Variants in ATP8B1 observed in about 807,000 individuals in gnomAD.
The protein encoded by ATP8B1 is phospholipid-transporting ATPase IC.
A neutral mutation model predicts 149.9 loss-of-function variants in ATP8B1; 80 were observed. The observed-to-expected ratio is 0.53, with a 90% confidence interval of 0.45 to 0.64. The LOEUF is 0.64. ATP8B1 is among the 30% of genes least tolerant of loss of function. The probability of loss-of-function intolerance (pLI) is 0.00; values close to 1 mark genes in which losing one functional copy is unlikely to be tolerated. For synonymous variants in ATP8B1, 536 were observed against 562.8 expected (o/e 0.95, Z 0.67); for missense variants, 1,247 against 1,552.6 (o/e 0.80, Z 3.31).
intron 1 of ATP8B1, among the ~76,000 whole-genome samples, chr18:57,764,323 T>TTTTC (rs1210873049): frequency 2.2e-5 from 2 of 90,622 alleles, no homozygotes; most frequent in Admixed American, 1.0e-4. Flanking sequence ...CTTTCTTTCT[T>TTTTC]TTTCTTTCTT....
intron 22 of ATP8B1, among the ~76,000 whole-genome samples, chr18:57,655,841 C>T (rs1274781986): frequency 3.3e-5 from 5 of 152,194 alleles, no homozygotes; most frequent in African/African-American, 1.2e-4. Flanking sequence ...CAACTTCATT[C>T]CATCCTTGTT....
intron 1 of ATP8B1, among the ~76,000 whole-genome samples, chr18:57,755,173 A>G (rs1444203494): frequency 6.6e-6 from 1 of 152,204 alleles, no homozygotes; most frequent in East Asian, 1.9e-4. Flanking sequence ...AACAATGTGT[A>G]ATTGTGCATT....
At chr18:57,699,346 T>C (rs1315176535) in intron 6 of ATP8B1, among the ~76,000 whole-genome samples, 2 of 152,234 alleles carry the variant, frequency 1.3e-5, no homozygotes, top group Non-Finnish European at 2.9e-5. Context: ...AAGATCTTAA[T>C]TGGCTTTATT....
Position 57,706,541 on chromosome 18 carries a change from T to C in ATP8B1, c.228A>G (p.Gln76=). 3.1e-6 allele frequency: 5 copies of C among 1,614,110 alleles called. No homozygotes were observed. Among genetic ancestry groups the C allele is most frequent in the Non-Finnish European group, 4.2e-6 (5 of 1,180,012 alleles). ...VKANDRKYHE[Q]PHFMNTKFLC... is the part of the protein sequence containing the mutation. ...AGAATTTTGTGTTCATAAAGTGAGGTTGTTCGTGGTACTTGCGATCGTTTG... is the reference window on the plus strand; with the variant it reads ...AGAATTTTGTGTTCATAAAGTGAGGCTGTTCGTGGTACTTGCGATCGTTTG... Residue 76 remains glutamine (Q), a synonymous_variant, in exon 3 of 28, where the codon CAA becomes CAG. Coordinates refer to ENST00000648908, the MANE Select transcript of ATP8B1 (RefSeq NM_001374385.1).
intron 3 of ATP8B1, 144 bp from the exon 4 acceptor site, chr18:57,704,812 G>A (rs1026703676): frequency 2.4e-5 from 16 of 671,466 alleles, no homozygotes; most frequent in Middle Eastern, 4.0e-4. Flanking sequence ...GTCTGGGTGC[G>A]GTGGCTTATG....
intron 1 of ATP8B1, among the ~76,000 whole-genome samples, chr18:57,733,534 G>A (rs1437678499): frequency 1.3e-5 from 2 of 151,974 alleles, no homozygotes; most frequent in African/African-American, 2.4e-5. Context: ...GTGAAACCCC[G>A]TTTCTACTAA....
Position 57,731,618 on chromosome 18 carries a change from T to C in ATP8B1, c.181+9A>G. ...AAGCGACCTAGTCACCGGGACTTCATGTGGTTACCTTTTCTGAATGGCTCC... is the reference window on the plus strand; with the variant it reads ...AAGCGACCTAGTCACCGGGACTTCACGTGGTTACCTTTTCTGAATGGCTCC... On this transcript the variant is annotated intron_variant, in intron 2 of 27. Coordinates refer to ENST00000648908, the MANE Select transcript of ATP8B1 (RefSeq NM_001374385.1). 2 of 1,613,954 alleles carry C rather than the reference T, an allele frequency of 1.2e-6. No homozygotes were observed. Among genetic ancestry groups the C allele is most frequent in the Non-Finnish European group, 1.7e-6 (2 of 1,179,942 alleles).
intron 4 of ATP8B1, among the ~76,000 whole-genome samples, chr18:57,703,279 C>A (rs973673243): frequency 2.0e-5 from 3 of 152,016 alleles, no homozygotes; most frequent in African/African-American, 7.2e-5. Context: ...CGTAAAGAAT[C>A]TGATAAAGTG....
chr18:57,713,165 T>TTC (rs1301604157), intron 2 of ATP8B1, among the ~76,000 whole-genome samples: 1 of 73,852 alleles, frequency 1.4e-5, no homozygotes, highest in African/African-American at 6.5e-5. Context: ...TTCTCTTTCT[T>TTC]TCTTTCTTTC....
intron 15 of ATP8B1, among the ~76,000 whole-genome samples, chr18:57,680,585 A>AGAAACAAAACAAAAC (rs1555691193): frequency 8.3e-4 from 119 of 144,076 alleles, no homozygotes; most frequent in Non-Finnish European, 7.8e-4. Context: ...ACTTGGTCTC[A>AGAAACAAAACAAAAC]AAAACAAAAC....
intron 1 of ATP8B1, among the ~76,000 whole-genome samples, chr18:57,762,546 T>C (rs1029014935): frequency 1.3e-5 from 2 of 152,176 alleles, no homozygotes; most frequent in Admixed American, 6.5e-5. Flanking sequence ...GTGACACACA[T>C]GGTACCTAGT....
chr18:57,650,583 C>T, intron 26 of ATP8B1, 86 bp from the exon 27 acceptor site: 1 of 1,520,258 alleles, frequency 6.6e-7, no homozygotes, highest in Non-Finnish European at 9.0e-7. Context: ...TGGCTCATGC[C>T]TGTAATCCTA....
At chr18:57,737,213 T>C (rs1056797096) in intron 1 of ATP8B1, 1 of 152,172 alleles carries the variant, frequency 6.6e-6, no homozygotes, top group Admixed American at 6.5e-5. Context: ...CCTCCCAAAG[T>C]GCTGGGATTA....
chr18:57,671,574 G>C lies in ATP8B1; in HGVS notation c.1826C>G (p.Thr609Ser). 5 of 1,606,662 alleles carry C rather than the reference G, an allele frequency of 3.1e-6. No individual in the cohort carries two copies. Among genetic ancestry groups the C allele is most frequent in the African/African-American group, 1.3e-5 (1 of 74,856 alleles). The part of the protein sequence containing the change: ...DRKRMSIIVR[T>S]PEGNIKLYCK... ...GTAAAGCTTGATATTGCCTTCTGGG[G>C]TTCTTACTGGTAGTAAAAGAAGGAA... Residue 609 changes from threonine (T) to serine (S), a missense_variant, in exon 17 of 28, where the codon ACC (threonine) becomes AGC (serine). Around this residue, in one of 3 missense-constraint regions of ATP8B1, gnomAD observed 853 missense variants for 1,035.7 expected, o/e 0.82. Transcript: ENST00000648908.
chr18:57,768,363 G>T (rs1358729854), intron 1 of ATP8B1, among the ~76,000 whole-genome samples: 1 of 133,972 alleles, frequency 7.5e-6, no homozygotes, highest in Non-Finnish European at 1.5e-5. Context: ...CTCCAGCCTG[G>T]GCAACAGAGT....
At chr18:57,672,099 TCA>T (rs961504825) in intron 16 of ATP8B1, among the ~76,000 whole-genome samples, 7 of 152,202 alleles carry the variant, frequency 4.6e-5, no homozygotes, top group Admixed American at 2.0e-4. Context: ...AAAGATTCCT[TCA>T]CAGTCAGCTC....
intron 16 of ATP8B1, 49 bp from the exon 17 acceptor site, chr18:57,671,629 T>C: frequency 7.5e-7 from 1 of 1,337,064 alleles, no homozygotes; most frequent in Non-Finnish European, 1.1e-6. Context: ...ATTTTTTATA[T>C]ATATATTTTT....
intron 2 of ATP8B1, among the ~76,000 whole-genome samples, chr18:57,730,519 G>A (rs989053352): frequency 3.3e-5 from 5 of 152,140 alleles, no homozygotes; most frequent in African/African-American, 1.2e-4. Flanking sequence ...CTTGCTCATG[G>A]AGAAGAGCTA....
At chr18:57,759,537 C>T (rs1216285726) in intron 1 of ATP8B1, among the ~76,000 whole-genome samples, 2 of 151,796 alleles carry the variant, frequency 1.3e-5, no homozygotes. Context: ...GGGCCGGGCA[C>T]GGTGGCTCAC....
Sources: allele counts gnomAD v4.1 joint callset (sites outside exome capture counted in the v4.1 genomes callset), GRCh38; gene constraint gnomAD v4.1.1; regional missense constraint gnomAD v4.1.1; transcripts MANE v1.5; gene names NCBI Gene and HGNC (gene_info 2026-07-23, HGNC 2026-07-21).